The following RGS7 variants were observed in gnomAD, a reference collection of about 807,000 sequenced individuals.
RGS7 encodes regulator of G protein signaling 7, also known as regulator of G-protein signaling 7.
In RGS7, 27 loss-of-function variants were observed where a neutral mutation model predicts 81.1. That is an observed-to-expected ratio of 0.33 (90% CI 0.25 to 0.46). The LOEUF is 0.46. RGS7 is among the 20% of genes least tolerant of loss of function. The probability of loss-of-function intolerance (pLI) is 1.00; values close to 1 mark genes in which losing one functional copy is unlikely to be tolerated. For missense variants in RGS7, 396 were observed against 607.4 expected, an observed-to-expected ratio of 0.65 and a Z score of 3.66; for synonymous variants, 208 against 207.7, an observed-to-expected ratio of 1.00 and a Z score of -0.01.
chr1:240,918,584 GA>G (rs1672972917), intron 6 of RGS7, among the ~76,000 whole-genome samples: 1 of 152,014 alleles, frequency 6.6e-6, no homozygotes, highest in Non-Finnish European at 1.5e-5. Flanking sequence ...AAATTCACAG[GA>G]TGTAGTGAAA....
At chr1:240,781,069 G>C (rs1356149776) in intron 18 of RGS7, among the ~76,000 whole-genome samples, 1 of 150,064 alleles carries the variant, frequency 6.7e-6, no homozygotes, top group African/African-American at 2.5e-5. Context: ...CTATGGTTTT[G>C]TTTTTATTTT....
At chr1:240,996,459 C>T (rs894856310) in intron 3 of RGS7, among the ~76,000 whole-genome samples, 3 of 152,148 alleles carry the variant, frequency 2.0e-5, no homozygotes, top group Non-Finnish European at 4.4e-5. Flanking sequence ...ATCCATTTGC[C>T]TCATGTATTC....
At chr1:241,097,938 T>C (rs2064398245) in intron 3 of RGS7, among the ~76,000 whole-genome samples, 2 of 152,166 alleles carry the variant, frequency 1.3e-5, no homozygotes, top group African/African-American at 4.8e-5. Flanking sequence ...GCCTAGTTAT[T>C]CACTAAACCC....
chr1:241,031,452 C>T (rs974833550), intron 3 of RGS7, among the ~76,000 whole-genome samples: 4 of 152,066 alleles, frequency 2.6e-5, no homozygotes, highest in African/African-American at 7.2e-5. Flanking sequence ...GTGCAGGTAT[C>T]GTTTTTATAT....
chr1:240,944,247 T>C (rs530745999), intron 4 of RGS7, among the ~76,000 whole-genome samples: 1 of 141,198 alleles, frequency 7.1e-6, no homozygotes, highest in Non-Finnish European at 1.5e-5. Context: ...TTAACAAGAT[T>C]CTGTTATATT....
rs572939145 is a variant in RGS7, at chr1:241,109,068, A to C, written c.79-10306T>G. ...ACCTGGGAACAAGTTTAAATATTTCATCTCTTGTTTAAAACTTCCATTGGC... is the reference window on the plus strand; with the variant it reads ...ACCTGGGAACAAGTTTAAATATTTCCTCTCTTGTTTAAAACTTCCATTGGC... On this transcript the variant is annotated intron_variant, in intron 2 of 18. Transcript: ENST00000440928. Among the ~76,000 whole-genome samples, 7 of 152,276 alleles carry C rather than the reference A, an allele frequency of 4.6e-5. No individual in the cohort carries two copies. In the South Asian group the frequency reaches 1.2e-3, roughly 27 times the overall value.
intron 3 of RGS7, among the ~76,000 whole-genome samples, chr1:241,098,239 A>G (rs1447233940): frequency 6.6e-6 from 1 of 152,210 alleles, no homozygotes; most frequent in Non-Finnish European, 1.5e-5. Flanking sequence ...TGGTGGTGAC[A>G]GCGGTCTTGA....
At chr1:240,837,361 G>A (rs1235988892) in intron 9 of RGS7, among the ~76,000 whole-genome samples, 1 of 152,198 alleles carries the variant, frequency 6.6e-6, no homozygotes, top group African/African-American at 2.4e-5. Context: ...GACATGCAAA[G>A]AGTTTCAATT....
intron 2 of RGS7, among the ~76,000 whole-genome samples, chr1:241,331,145 C>A (rs2081953450): frequency 6.6e-6 from 1 of 152,086 alleles, no homozygotes; most frequent in Non-Finnish European, 1.5e-5. Flanking sequence ...TCCTCTCTAT[C>A]AAAAATGGAA....
chr1:241,258,930 C>A lies in RGS7; in HGVS notation c.78+96769G>T, dbSNP rs937025770. Among the ~76,000 whole-genome samples, 4 of 152,236 alleles carry A rather than the reference C, an allele frequency of 2.6e-5. No homozygotes were observed. The East Asian group carries it at 5.8e-4, about 22-fold the overall frequency. ...AAGTTACACCTTTGCTTTTAAATTT[C>A]TTCATATAACTAGGAATACTGGTGT... is the stretch of plus-strand genomic sequence containing the variant. On this transcript the variant is annotated intron_variant, in intron 2 of 18. Transcript: ENST00000440928.
chr1:241,139,584 T>G (rs1558121155), intron 2 of RGS7, among the ~76,000 whole-genome samples: 1 of 152,208 alleles, frequency 6.6e-6, no homozygotes, highest in Non-Finnish European at 1.5e-5. Context: ...TGCCAAACCA[T>G]TCTCCAAAAT....
rs1007543029 is a variant in RGS7, at chr1:240,853,010, T to C, written c.609+15577A>G. ...GTGAAATATCAAGTATTAATGAAGGTTGCTAAGTAACCACACAATTACATA... is the reference window on the plus strand; with the variant it reads ...GTGAAATATCAAGTATTAATGAAGGCTGCTAAGTAACCACACAATTACATA... On this transcript the variant is annotated intron_variant, in intron 9 of 18. Coordinates refer to ENST00000440928, the MANE Select transcript of RGS7 (RefSeq NM_001364886.1). Among the ~76,000 whole-genome samples, 3 of 152,204 alleles carry C rather than the reference T, an allele frequency of 2.0e-5. No homozygotes were observed. The South Asian group carries it at 6.2e-4, about 32-fold the overall frequency.
intron 2 of RGS7, among the ~76,000 whole-genome samples, chr1:241,171,156 T>C (rs1215533596): frequency 1.3e-5 from 2 of 152,232 alleles, no homozygotes; most frequent in Non-Finnish European, 2.9e-5. Context: ...TATTTAGAAA[T>C]CTTTCTGTCC....
chr1:241,059,922 G>A (rs1213097895), intron 3 of RGS7, among the ~76,000 whole-genome samples: 1 of 150,012 alleles, frequency 6.7e-6, no homozygotes, highest in Non-Finnish European at 1.5e-5. Context: ...CAGAAATCTG[G>A]ACATTAGTCT....
chr1:241,123,467 T>A (rs534236117), intron 2 of RGS7, among the ~76,000 whole-genome samples: 1 of 152,096 alleles, frequency 6.6e-6, no homozygotes, highest in Non-Finnish European at 1.5e-5. Context: ...AAAGAGAACA[T>A]GGGCCGGACA....
chr1:241,003,610 C>T (rs542108462), intron 3 of RGS7, among the ~76,000 whole-genome samples: 3 of 152,248 alleles, frequency 2.0e-5, no homozygotes, highest in African/African-American at 7.2e-5. Context: ...GTTTTATCTT[C>T]ACTAAGGATT....
At chr1:241,113,008 C>T (rs1361120946) in intron 2 of RGS7, among the ~76,000 whole-genome samples, 1 of 152,184 alleles carries the variant, frequency 6.6e-6, no homozygotes, top group Non-Finnish European at 1.5e-5. Flanking sequence ...TTCAACTACT[C>T]CTTCATTCCA....
chr1:240,867,931 G>A (rs1413577569), intron 9 of RGS7, among the ~76,000 whole-genome samples: 1 of 151,596 alleles, frequency 6.6e-6, no homozygotes, highest in East Asian at 1.9e-4. Flanking sequence ...GAACTGGGAG[G>A]CAGAGGTTAC....
intron 18 of RGS7, among the ~76,000 whole-genome samples, chr1:240,793,577 T>G: frequency 7.6e-6 from 1 of 131,614 alleles, no homozygotes; most frequent in African/African-American, 3.3e-5. Context: ...TCACTGAAGG[T>G]GTAGTAGGAA....
Sources: allele counts gnomAD v4.1 joint callset (sites outside exome capture counted in the v4.1 genomes callset), GRCh38; gene constraint gnomAD v4.1.1; transcripts MANE v1.5; gene names NCBI Gene and HGNC (gene_info 2026-07-23, HGNC 2026-07-21).